Variants in FAM13A observed in about 807,000 individuals in gnomAD.
FAM13A encodes the protein family with sequence similarity 13 member A.
A neutral mutation model predicts 129.6 loss-of-function variants in FAM13A; 76 were observed. That is an observed-to-expected ratio of 0.59 (90% CI 0.49 to 0.71). FAM13A has a LOEUF of 0.71. Ranked by LOEUF, FAM13A falls within the 30% of genes least tolerant of loss-of-function variation. The probability of loss-of-function intolerance (pLI) is 0.00; values close to 1 mark genes in which losing one functional copy is unlikely to be tolerated. For missense variants in FAM13A, 1,108 were observed against 1,249.3 expected (o/e 0.89, Z 1.70); for synonymous variants, 443 against 449.9 (o/e 0.98, Z 0.20).
chr4:88,862,174 TATG>T (rs1387799293), intron 6 of FAM13A, among the ~76,000 whole-genome samples: 2 of 152,220 alleles, frequency 1.3e-5, no homozygotes, highest in Non-Finnish European at 2.9e-5. Flanking sequence ...CATATATACA[TATG>T]AGCTATGATA....
intron 6 of FAM13A, among the ~76,000 whole-genome samples, chr4:88,875,461 C>T (rs190529890): frequency 2.0e-5 from 3 of 152,176 alleles, no homozygotes; most frequent in Admixed American, 2.0e-4. Flanking sequence ...ATCAAACAAC[C>T]CCATCAAAAA....
chr4:88,738,455 T>C (rs2149420597), intron 20 of FAM13A, among the ~76,000 whole-genome samples: 1 of 152,326 alleles, frequency 6.6e-6, no homozygotes, highest in Middle Eastern at 3.4e-3. Flanking sequence ...CTCCCTACTC[T>C]TGACAAAATC....
chr4:88,945,988 G>GTGTGTGTGTGTGTA (rs796180552), intron 4 of FAM13A, among the ~76,000 whole-genome samples: 23 of 13,666 alleles, frequency 1.7e-3, no homozygotes, highest in African/African-American at 6.3e-3. Flanking sequence ...GTGTGTGTGT[G>GTGTGTGTGTGTGTA]TGTATATATA....
intron 4 of FAM13A, among the ~76,000 whole-genome samples, chr4:88,976,114 C>T (rs1760864111): frequency 6.6e-6 from 1 of 152,114 alleles, no homozygotes; most frequent in South Asian, 2.1e-4. Context: ...TGAAAGAAAA[C>T]ATGCGGTTTC....
intron 19 of FAM13A, among the ~76,000 whole-genome samples, chr4:88,743,845 T>C (rs932210865): frequency 2.6e-5 from 4 of 152,218 alleles, no homozygotes; most frequent in Non-Finnish European, 5.9e-5. Context: ...AATTATGTCA[T>C]AGACAAACTA....
intron 21 of FAM13A, chr4:88,736,296 C>T (rs1021913162): frequency 5.3e-5 from 8 of 152,110 alleles, no homozygotes; most frequent in African/African-American, 1.9e-4. Context: ...TATGATGTAT[C>T]AAGATCTGCA....
At chr4:88,793,168 A>G (rs1454074801) in intron 8 of FAM13A, among the ~76,000 whole-genome samples, 2 of 151,982 alleles carry the variant, frequency 1.3e-5, no homozygotes, top group African/African-American at 4.8e-5. Context: ...AACTTCAATT[A>G]CTTAAATATC....
chr4:88,919,479 A>G (rs1750650337), intron 5 of FAM13A, among the ~76,000 whole-genome samples: 1 of 152,354 alleles, frequency 6.6e-6, no homozygotes, highest in South Asian at 2.1e-4. Flanking sequence ...GGATGTTTTG[A>G]GTAAATATAA....
chr4:88,831,689 G>A (rs2149884047), intron 7 of FAM13A, among the ~76,000 whole-genome samples: 1 of 152,248 alleles, frequency 6.6e-6, no homozygotes, highest in South Asian at 2.1e-4. Context: ...GCTAACAAGA[G>A]AAATGAAGGA....
intron 4 of FAM13A, among the ~76,000 whole-genome samples, chr4:88,983,629 A>C (rs981506673): frequency 2.0e-5 from 3 of 152,198 alleles, no homozygotes; most frequent in African/African-American, 7.2e-5. Context: ...ACCATAAAAC[A>C]GTATTGAAAC....
intron 6 of FAM13A, among the ~76,000 whole-genome samples, chr4:88,873,723 C>T (rs968287290): frequency 6.6e-6 from 1 of 152,170 alleles, no homozygotes; most frequent in African/African-American, 2.4e-5. Context: ...CAAAGAGGAG[C>T]TGGTACCATT....
chr4:88,940,133 T>C (rs187756071), intron 4 of FAM13A, among the ~76,000 whole-genome samples: 1 of 152,282 alleles, frequency 6.6e-6, no homozygotes, highest in Non-Finnish European at 1.5e-5. Context: ...GGGAAGGGGA[T>C]GCTGCTGTAA....
chr4:88,991,162 A>G lies in FAM13A; in HGVS notation c.428-12T>C. The stretch of plus-strand genomic sequence containing the variant: ...ATCATTTCTGCCATCTGGAAAAAAA[A>G]AGAATAAAAATGTTCTAAGGTATAT... On this transcript the variant is annotated splice_polypyrimidine_tract_variant and intron_variant, in intron 3 of 23. Coordinates refer to ENST00000264344, the MANE Select transcript of FAM13A (RefSeq NM_014883.4). The G allele has an allele frequency of 6.2e-7, 1 of 1,603,258 alleles. No homozygotes were observed. Among genetic ancestry groups the G allele is most frequent in the Non-Finnish European group, 8.5e-7 (1 of 1,172,734 alleles).
intron 1 of FAM13A, among the ~76,000 whole-genome samples, chr4:89,050,687 G>A (rs559571556): frequency 3.3e-5 from 5 of 152,010 alleles, no homozygotes; most frequent in African/African-American, 1.2e-4. Context: ...TAGCACTTTG[G>A]GAGGCCAAGG....
chr4:88,787,680 G>T, intron 10 of FAM13A, 73 bp downstream of exon 10: 1 of 1,423,154 alleles, frequency 7.0e-7, no homozygotes. Flanking sequence ...CTATAACACA[G>T]CGACTAATTT....
At chr4:89,021,472 T>C (rs1767247422) in intron 2 of FAM13A, among the ~76,000 whole-genome samples, 1 of 151,974 alleles carries the variant, frequency 6.6e-6, no homozygotes, top group Non-Finnish European at 1.5e-5. Context: ...CTGACAAAGA[T>C]AAACAAAAAT....
At chr4:89,049,510 A>G (rs934349868) in intron 1 of FAM13A, among the ~76,000 whole-genome samples, 5 of 152,250 alleles carry the variant, frequency 3.3e-5, no homozygotes, top group African/African-American at 1.2e-4. Context: ...TTTGGAATTT[A>G]ACCACAAAAG....
Position 88,746,977 on chromosome 4 carries a change from A to C in FAM13A, c.2421T>G (p.Ala807=), listed in dbSNP as rs1741478913. The C allele has an allele frequency of 6.2e-7, 1 of 1,613,772 alleles. No homozygotes were observed. The highest frequency in any genetic ancestry group is 2.2e-5 in the East Asian group (1 of 44,858). The change falls in exon 19 of 24, where the codon GCT becomes GCG. Residue 807 remains alanine, a synonymous_variant. Coordinates refer to ENST00000264344, the MANE Select transcript of FAM13A (RefSeq NM_014883.4). ...CATAATATAACAGAGCTTTCTGCAG[A>C]GCCACTTTCTCATTAGCAATCTGGT... ...TKDQIANEKV[A]LQKALLYYES... is the part of the protein sequence containing the mutation.
At chr4:88,857,271 A>G (rs1295345958) in intron 6 of FAM13A, among the ~76,000 whole-genome samples, 1 of 152,172 alleles carries the variant, frequency 6.6e-6, no homozygotes, top group Non-Finnish European at 1.5e-5. Flanking sequence ...AGCATAACTC[A>G]ATTTAACTTT....
Sources: gnomAD v4.1 joint callset for allele counts (sites outside exome capture counted in the v4.1 genomes callset) on GRCh38, gnomAD v4.1.1 for gene constraint, MANE v1.5 for transcripts, NCBI Gene and HGNC (gene_info 2026-07-23, HGNC 2026-07-21) for gene names.